NOX3: variants seen among roughly 807,000 people sequenced by gnomAD.
NOX3 encodes the protein NADPH oxidase 3, also known as NADPH oxidase catalytic subunit-like 3.
NOX3 carries 74 observed loss-of-function variants against 76.7 expected under a neutral mutation model. That is an observed-to-expected ratio of 0.96 (90% CI 0.80 to 1.17). The LOEUF (loss-of-function observed/expected upper bound fraction) is 1.17. NOX3 is among the 50% of genes most tolerant of loss of function. The pLI is 0.00. For missense variants in NOX3, 695 were observed against 703.3 expected, an observed-to-expected ratio of 0.99 and a Z score of 0.13; for synonymous variants, 263 against 261.1, an observed-to-expected ratio of 1.01 and a Z score of -0.07.
intron 12 of NOX3, among the ~76,000 whole-genome samples, chr6:155,400,355 C>T (rs1015005): frequency 0.17 from 25,298 of 152,110 alleles, 2,211 homozygotes; most frequent in South Asian, 0.22. Context: ...AGTTATAACC[C>T]TGTAGGGGCA....
intron 4 of NOX3, among the ~76,000 whole-genome samples, chr6:155,449,359 A>G (rs1040178159): frequency 5.9e-5 from 9 of 152,070 alleles, no homozygotes; most frequent in African/African-American, 2.2e-4. Flanking sequence ...CTGGAGCTCA[A>G]AGTACTACTT....
In NOX3 at chr6:155,436,583, C is replaced by A. The variant is rs1562468557; in HGVS notation, c.669-36G>T. Reference sequence around the variant, plus strand: ...AAGAAAAGCAAAACAAAACAAAAAGCAAAAAACGTCAAACTGATTTTGAGC... The same window carrying A: ...AAGAAAAGCAAAACAAAACAAAAAGAAAAAAACGTCAAACTGATTTTGAGC... On this transcript the variant is annotated intron_variant, in intron 6 of 13. Coordinates refer to ENST00000159060, the MANE Select transcript of NOX3 (RefSeq NM_015718.3). The A allele has an allele frequency of 6.2e-6, 10 of 1,606,492 alleles. No homozygotes were observed. The Admixed American group carries it at 8.7e-5, about 14-fold the overall frequency.
rs1263251265 is a variant in NOX3, at chr6:155,422,716, T to C, written c.1286A>G (p.Gln429Arg). 1 of 1,614,162 alleles carries C rather than the reference T, an allele frequency of 6.2e-7. No homozygotes were observed. The highest frequency in any genetic ancestry group is 1.1e-5 in the South Asian group (1 of 91,070). Residue 429 changes from glutamine to arginine, a missense_variant, in exon 10 of 14, where the codon CAG (glutamine) becomes CGG (arginine). By Grantham distance (43) the Gln-to-Arg change is conservative. Coordinates refer to ENST00000159060, the MANE Select transcript of NOX3 (RefSeq NM_015718.3). ...KSIWYKCSEA[Q>R]TPLKLSKVYF... ...TACCTTGCTCAGCTTCAGTGGGGTC[T>C]GTGCCTCACTGCATTTGTACCATAT...
chr6:155,454,993 G>T (rs768737648), intron 2 of NOX3, 41 bp downstream of exon 2: 7 of 1,566,950 alleles, frequency 4.5e-6, no homozygotes, highest in South Asian at 1.1e-5. Context: ...AATGCATTTT[G>T]TTTTCTGAAA....
intron 10 of NOX3, among the ~76,000 whole-genome samples, chr6:155,414,987 T>C (rs932092562): frequency 6.6e-6 from 1 of 152,154 alleles, no homozygotes; most frequent in African/African-American, 2.4e-5. Context: ...GGGACTGTCA[T>C]GGCGTTGAGG....
At chr6:155,454,629 C>G (rs1777187688) in intron 3 of NOX3, among the ~76,000 whole-genome samples, 182 bp downstream of exon 3, 1 of 152,178 alleles carries the variant, frequency 6.6e-6, no homozygotes, top group African/African-American at 2.4e-5. Context: ...ACAGCCAAAG[C>G]CAAATCAGAT....
intron 3 of NOX3, among the ~76,000 whole-genome samples, chr6:155,454,543 C>T (rs1273752459): frequency 2.0e-5 from 3 of 152,170 alleles, no homozygotes; most frequent in African/African-American, 7.2e-5. Flanking sequence ...TATTATAATG[C>T]TTCCATCTTC....
intron 4 of NOX3, among the ~76,000 whole-genome samples, chr6:155,446,001 T>TAAA: frequency 7.7e-6 from 1 of 130,268 alleles, no homozygotes; most frequent in East Asian, 2.2e-4. Context: ...ATATATAATA[T>TAAA]ATATATATTG....
At chr6:155,411,156 C>T (rs1582929343) in intron 11 of NOX3, 58 bp downstream of exon 11, 2 of 1,465,334 alleles carry the variant, frequency 1.4e-6, no homozygotes, top group African/African-American at 1.4e-5. Flanking sequence ...TGAAATTGTT[C>T]CTCATTGCTA....
chr6:155,449,237 A>G (rs112950112), intron 4 of NOX3, among the ~76,000 whole-genome samples: 233 of 152,238 alleles, frequency 1.5e-3, no homozygotes, highest in African/African-American at 5.3e-3. Context: ...TTAGCAACTC[A>G]TCAGGAGCTG....
intron 4 of NOX3, among the ~76,000 whole-genome samples, chr6:155,445,721 C>T (rs953996603): frequency 1.3e-5 from 2 of 151,610 alleles, no homozygotes; most frequent in African/African-American, 4.8e-5. Flanking sequence ...CTTTATTCAT[C>T]CTTGAAACCT....
intron 9 of NOX3, among the ~76,000 whole-genome samples, chr6:155,424,998 G>A (rs940074947): frequency 6.6e-6 from 1 of 152,154 alleles, no homozygotes; most frequent in Non-Finnish European, 1.5e-5. Context: ...AAAATATTTG[G>A]TCTAAGTTCC....
At chr6:155,438,168 C>G (rs947056815) in intron 6 of NOX3, among the ~76,000 whole-genome samples, 2 of 152,066 alleles carry the variant, frequency 1.3e-5, no homozygotes, top group Admixed American at 1.3e-4. Flanking sequence ...TTATAGATAG[C>G]CTCATAAATG....
chr6:155,411,704 G>A (rs1237544699), intron 10 of NOX3, among the ~76,000 whole-genome samples: 2 of 152,112 alleles, frequency 1.3e-5, no homozygotes, highest in African/African-American at 4.8e-5. Flanking sequence ...TCCCAAAGGG[G>A]GATAAACCGT....
chr6:155,441,348 G>A lies in NOX3; in HGVS notation c.487-1211C>T, dbSNP rs570981336. Reference sequence around the variant, plus strand: ...AAGAGTGGAAATAAAATTGAAAGGGGTATGTCTCAAACATTTAAAATATTT... The same window carrying A: ...AAGAGTGGAAATAAAATTGAAAGGGATATGTCTCAAACATTTAAAATATTT... On this transcript the variant is annotated intron_variant, in intron 5 of 13. Coordinates refer to ENST00000159060, the MANE Select transcript of NOX3 (RefSeq NM_015718.3). Among the ~76,000 whole-genome samples the A allele has an allele frequency of 2.0e-5, 3 of 152,258 alleles. No individual in the cohort carries two copies. In the East Asian group the frequency reaches 5.8e-4, roughly 29 times the overall value.
chr6:155,453,579 C>T (rs1484699838), intron 3 of NOX3, 91 bp from the exon 4 acceptor site: 2 of 981,906 alleles, frequency 2.0e-6, no homozygotes, highest in African/African-American at 1.6e-5. Context: ...CAGGCTCTGC[C>T]TCTAAACTGC....
intron 4 of NOX3, among the ~76,000 whole-genome samples, chr6:155,448,641 C>CAA (rs34503841): frequency 0.012 from 1,323 of 113,818 alleles, 14 homozygotes; most frequent in African/African-American, 0.024. Context: ...AAGAGTGAAC[C>CAA]AAAAAAAAAA....
At chr6:155,422,208 A>G (rs1211156703) in intron 10 of NOX3, among the ~76,000 whole-genome samples, 1 of 152,168 alleles carries the variant, frequency 6.6e-6, no homozygotes, top group African/African-American at 2.4e-5. Flanking sequence ...TGTAAAACAT[A>G]CAGGAAATGA....
chr6:155,442,864 C>A (rs937212763), intron 5 of NOX3, among the ~76,000 whole-genome samples: 2 of 152,170 alleles, frequency 1.3e-5, no homozygotes, highest in African/African-American at 4.8e-5. Context: ...GGAAAACAAT[C>A]TGCAGATTGA....
Sources: allele counts gnomAD v4.1 joint callset (sites outside exome capture counted in the v4.1 genomes callset), GRCh38; gene constraint gnomAD v4.1.1; transcripts MANE v1.5; gene names NCBI Gene and HGNC (gene_info 2026-07-23, HGNC 2026-07-21).